GALNT13: variants seen among roughly 807,000 people sequenced by gnomAD.
GALNT13 encodes UDP-GalNAc:polypeptide N-acetylgalactosaminyltransferase 13.
A neutral mutation model predicts 64.2 loss-of-function variants in GALNT13; 28 were observed. That is an observed-to-expected ratio of 0.44 (90% confidence interval 0.32 to 0.60). GALNT13 has a LOEUF of 0.60. Among genes scored for constraint, GALNT13 ranks in the 20% least tolerant of loss-of-function variants. GALNT13 has a pLI of 0.05. For missense variants in GALNT13, 577 were observed against 669.8 expected, an observed-to-expected ratio of 0.86 and a Z score of 1.53; for synonymous variants, 214 against 224.6, an observed-to-expected ratio of 0.95 and a Z score of 0.42.
intron 1 of GALNT13, among the ~76,000 whole-genome samples, chr2:153,896,497 T>C (rs1461588349): frequency 6.6e-6 from 1 of 151,988 alleles, no homozygotes; most frequent in Non-Finnish European, 1.5e-5. Context: ...GTATGTAAGC[T>C]ATCACTCTGG....
the GALNT13 span, among the ~76,000 whole-genome samples, chr2:153,578,395 T>C: frequency 6.6e-6 from 1 of 152,258 alleles, no homozygotes; most frequent in East Asian, 1.9e-4. Flanking sequence ...CCTAAGACAG[T>C]TTTTATCATT....
the GALNT13 span, chr2:153,478,830 T>C: frequency 2.4e-6 from 1 of 424,120 alleles, no homozygotes; most frequent in Non-Finnish European, 4.3e-6. Context: ...CTGTTGGAAC[T>C]TGGCGGGGCT....
At chr2:153,969,670 T>C (rs34092616) in intron 3 of GALNT13, among the ~76,000 whole-genome samples, 1 of 152,192 alleles carries the variant, frequency 6.6e-6, no homozygotes, top group East Asian at 1.9e-4. Context: ...TTCCGCCTAT[T>C]ACAGTTTGCT....
the GALNT13 span, among the ~76,000 whole-genome samples, chr2:153,577,780 T>TA: frequency 6.6e-6 from 1 of 151,306 alleles, no homozygotes; most frequent in Non-Finnish European, 1.5e-5. Flanking sequence ...CTGAACTATA[T>TA]AAAATATTTT....
At chr2:153,959,237 T>TGAG (rs1441426897) in intron 3 of GALNT13, among the ~76,000 whole-genome samples, 2 of 152,132 alleles carry the variant, frequency 1.3e-5, no homozygotes, top group Non-Finnish European at 2.9e-5. Context: ...TGTCAACCAA[T>TGAG]GAGGGTCCCC....
chr2:153,743,189 G>C, the GALNT13 span, among the ~76,000 whole-genome samples: 1 of 152,080 alleles, frequency 6.6e-6, no homozygotes, highest in Non-Finnish European at 1.5e-5. Flanking sequence ...TTCCATAGAG[G>C]TTGTGTTAAT....
At chr2:154,148,827 G>C (rs1683786867) in intron 4 of GALNT13, among the ~76,000 whole-genome samples, 1 of 152,068 alleles carries the variant, frequency 6.6e-6, no homozygotes, top group South Asian at 2.1e-4. Flanking sequence ...GTGGATATTA[G>C]CCCTTTGTCA....
At chr2:153,161,204 C>A in the GALNT13 span, among the ~76,000 whole-genome samples, 1 of 152,174 alleles carries the variant, frequency 6.6e-6, no homozygotes, top group Non-Finnish European at 1.5e-5. Context: ...AAGGCTGTGC[C>A]TCCTTGACCT....
chr2:153,941,017 A>G (rs776877), intron 2 of GALNT13, among the ~76,000 whole-genome samples: 3 of 152,190 alleles, frequency 2.0e-5, no homozygotes, highest in African/African-American at 7.2e-5. Flanking sequence ...ACATAGTTAC[A>G]AAACCCTAAA....
At chr2:154,417,521 A>ATTTTTTTT (rs1238225224) in intron 11 of GALNT13, among the ~76,000 whole-genome samples, 5,905 of 138,782 alleles carry the variant, frequency 0.043, 208 homozygotes, top group Non-Finnish European at 0.061. Flanking sequence ...TTATTTATTT[A>ATTTTTTTT]TTTTTTTGAG....
At chr2:154,013,777 T>C (rs1696807901) in intron 3 of GALNT13, among the ~76,000 whole-genome samples, 1 of 152,040 alleles carries the variant, frequency 6.6e-6, no homozygotes, top group African/African-American at 2.4e-5. Flanking sequence ...GGGTGCACAC[T>C]CACATGCCTG....
chr2:154,373,876 G>T (rs1488937771), intron 9 of GALNT13, among the ~76,000 whole-genome samples: 2 of 152,234 alleles, frequency 1.3e-5, no homozygotes, highest in Admixed American at 1.3e-4. Context: ...AGCTCTGTGG[G>T]TTTTGTTTAT....
At chr2:153,405,576 A>G in the GALNT13 span, among the ~76,000 whole-genome samples, 15,334 of 152,204 alleles carry the variant, frequency 0.1, 907 homozygotes, top group South Asian at 0.23. Context: ...TTGGAGCCCA[A>G]CCTCAGGGAG....
At chr2:153,837,777 A>G in the GALNT13 span, among the ~76,000 whole-genome samples, 30 of 152,058 alleles carry the variant, frequency 2.0e-4, no homozygotes, top group African/African-American at 7.0e-4. Flanking sequence ...TTCTTTGCAT[A>G]TATTCCCAGA....
At chr2:153,670,606 G>A in the GALNT13 span, among the ~76,000 whole-genome samples, 1 of 152,214 alleles carries the variant, frequency 6.6e-6, no homozygotes, top group Non-Finnish European at 1.5e-5. Flanking sequence ...AACCAGAGCA[G>A]AAAGGCTGAA....
At chr2:154,448,805 A>C (rs1177587773) in intron 12 of GALNT13, among the ~76,000 whole-genome samples, 2 of 152,002 alleles carry the variant, frequency 1.3e-5, no homozygotes, top group Admixed American at 6.6e-5. Flanking sequence ...GCAATAAGAC[A>C]CTGGGAGTGC....
chr2:154,286,886 T>C, intron 8 of GALNT13: 1 of 437,872 alleles, frequency 2.3e-6, no homozygotes, highest in South Asian at 2.1e-5. Context: ...TTCTGGCCTG[T>C]TGCTAGCCAG....
chr2:153,951,376 T>C (rs184002947), intron 3 of GALNT13, among the ~76,000 whole-genome samples: 1 of 152,204 alleles, frequency 6.6e-6, no homozygotes, highest in Admixed American at 6.6e-5. Flanking sequence ...AGAGCTATTC[T>C]TTCCAGGAGG....
rs548739470 is a variant in GALNT13 at position 154,376,514 on chromosome 2, A to T, written c.1157-19477A>T. On this transcript the variant is annotated intron_variant, in intron 9 of 12. Transcript: ENST00000392825. ...GCCTTTATTTAAAACAAATTTAGTT[A>T]ATAAATTTTTTAAAAGTACACAGAG... is the stretch of plus-strand genomic sequence containing the variant. 1.3e-4 allele frequency among the ~76,000 whole-genome samples: 20 copies of T among 152,286 alleles called. No individual in the cohort carries two copies. In the East Asian group the frequency reaches 3.7e-3, roughly 28 times the overall value.
Sources: allele counts gnomAD v4.1 joint callset (sites outside exome capture counted in the v4.1 genomes callset), GRCh38; gene constraint gnomAD v4.1.1; transcripts MANE v1.5; gene names NCBI Gene and HGNC (gene_info 2026-07-23, HGNC 2026-07-21).